The following CNOT11 variants were observed in gnomAD, a reference collection of about 807,000 sequenced individuals.
The protein encoded by CNOT11 is CCR4-NOT transcription complex subunit 11.
CNOT11 carries 18 observed loss-of-function variants against 44.6 expected under a neutral mutation model. That is an observed-to-expected ratio of 0.40 (90% CI 0.28 to 0.60). The LOEUF is 0.60. Among genes scored for constraint, CNOT11 ranks in the 20% least tolerant of loss-of-function variants. The pLI is 0.38. For synonymous variants in CNOT11, 291 were observed against 270.9 expected (o/e 1.07, Z -0.73); for missense variants, 513 against 677.0 (o/e 0.76, Z 2.69).
chr2:101,257,486 A>C (rs531957380), intron 1 of CNOT11, among the ~76,000 whole-genome samples: 11 of 151,748 alleles, frequency 7.2e-5, no homozygotes, highest in African/African-American at 2.7e-4. Context: ...CCGATGTTTT[A>C]ACTAAAGAAA....
intron 5 of CNOT11, among the ~76,000 whole-genome samples, chr2:101,267,213 G>A (rs1682007515): frequency 6.6e-6 from 1 of 151,948 alleles, no homozygotes; most frequent in South Asian, 2.1e-4. Context: ...ACCTCCACCC[G>A]CTGGGTTCAA....
Position 101,252,949 on chromosome 2 carries a change from A to G in CNOT11, c.-16A>G. ...GGGCCCCTCGGGCCGGGAAGAGGGG[A>G]AGGGGAGCGAGGTTGATGCCCGGCG... On this transcript the variant is annotated 5_prime_UTR_variant, in exon 1 of 7. Coordinates refer to ENST00000289382, the MANE Select transcript of CNOT11 (RefSeq NM_017546.5). 1 of 1,446,050 alleles carries G rather than the reference A, an allele frequency of 6.9e-7. No individual in the cohort carries two copies. Among genetic ancestry groups the G allele is most frequent in the Non-Finnish European group, 9.0e-7 (1 of 1,108,912 alleles). The allele number at this position is 1,446,050 out of a possible 1,614,324, so 89.6% of individuals were successfully genotyped here. A position where few individuals can be genotyped will look rare whatever the true frequency, so the allele number is the denominator to read the frequency against.
chr2:101,265,970 G>A (rs1034095679), intron 4 of CNOT11, among the ~76,000 whole-genome samples: 12 of 152,130 alleles, frequency 7.9e-5, no homozygotes, highest in African/African-American at 2.4e-5. Context: ...TTTTCAAAAC[G>A]AAATAATAGC....
rs190223210 is a variant in CNOT11 at position 101,261,886 on chromosome 2, G to C, written c.680-653G>C. Among the ~76,000 whole-genome samples the C allele has an allele frequency of 9.8e-3, 1,194 of 121,996 alleles. 18 individuals carry two copies. Among genetic ancestry groups the C allele is most frequent in the African/African-American group, 0.033 (1,086 of 32,686 alleles). 80.0% of individuals were successfully genotyped at this position (121,996 alleles called of 152,430 possible). A position where few individuals can be genotyped will look rare whatever the true frequency, so the allele number is the denominator to read the frequency against. Reference sequence around the variant, plus strand: ...TTTTGAGATGGAGTCTCGCTCTGTCGCCCAGGCTGGAGTGCAGTGGCGCGA... The same window carrying C: ...TTTTGAGATGGAGTCTCGCTCTGTCCCCCAGGCTGGAGTGCAGTGGCGCGA... On this transcript the variant is annotated intron_variant, in intron 2 of 6. Coordinates refer to ENST00000289382, the MANE Select transcript of CNOT11 (RefSeq NM_017546.5).
rs1238724672 is a variant in CNOT11, at chr2:101,269,520, G to GTACT, written c.*109_*112dup. The GTACT allele has an allele frequency of 1.2e-5, 11 of 900,894 alleles. No homozygotes were observed. Among genetic ancestry groups the GTACT allele is most frequent in the African/African-American group, 1.7e-5 (1 of 59,316 alleles). 55.8% of individuals were successfully genotyped at this position (900,894 alleles called of 1,614,324 possible). A position where few individuals can be genotyped will look rare whatever the true frequency, so the allele number is the denominator to read the frequency against. On this transcript the variant is annotated 3_prime_UTR_variant, in exon 7 of 7. Transcript: ENST00000289382. The surrounding 1 kb of genome is among the most constrained non-coding windows in gnomAD (Gnocchi z 4.8). ...TTGCTTGGTTTAATGCATATAAACAGTACTTTATCTACTTAAAGCAAAGTT... is the reference window on the plus strand; with the variant it reads ...TTGCTTGGTTTAATGCATATAAACAGTACTTACTTTATCTACTTAAAGCAAAGTT...
At chr2:101,256,740 G>A (rs1284942142) in intron 1 of CNOT11, among the ~76,000 whole-genome samples, 2 of 152,190 alleles carry the variant, frequency 1.3e-5, no homozygotes, top group Non-Finnish European at 2.9e-5. Context: ...TGCAGGAATT[G>A]AGGCACTTTA....
Position 101,257,890 on chromosome 2 carries a change from C to T in CNOT11, c.614C>T (p.Ala205Val). ...TTCAAAAAGACGCCTCGCCAGATTG[C>T]ACTGATGGACGTTGGAAACATGGGC... ...ELFKKTPRQI[A>V]LMDVGNMGQS... Residue 205 changes from alanine (A) to valine (V), a missense_variant, in exon 2 of 7, where the codon GCA becomes GTA. Coordinates refer to ENST00000289382, the MANE Select transcript of CNOT11 (RefSeq NM_017546.5). 6.2e-7 allele frequency: 1 copy of T among 1,614,138 alleles called. No individual in the cohort carries two copies. Among genetic ancestry groups the T allele is most frequent in the Non-Finnish European group, 8.5e-7 (1 of 1,180,018 alleles).
At chr2:101,262,991 G>A (rs1681902420) in intron 3 of CNOT11, among the ~76,000 whole-genome samples, 1 of 152,182 alleles carries the variant, frequency 6.6e-6, no homozygotes, top group Admixed American at 6.5e-5. Context: ...GGAGGCCGAG[G>A]CAGGTGGATA....
chr2:101,269,041 C>T lies in CNOT11; in HGVS notation c.1240C>T (p.Leu414=), dbSNP rs1682053373. 8 of 1,589,838 alleles carry T rather than the reference C, an allele frequency of 5.0e-6. No individual in the cohort carries two copies. The highest frequency in any genetic ancestry group is 2.2e-5 in the East Asian group (1 of 44,738). The change falls in exon 6 of 7, where the codon CTA becomes TTA. Residue 414 remains leucine, a splice_region_variant and synonymous_variant. Coordinates refer to ENST00000289382, the MANE Select transcript of CNOT11 (RefSeq NM_017546.5). This position sits in a 1 kb window ranked among gnomAD's most constrained non-coding sequence, Gnocchi z 4.8. ...GCCAAATTTTCTTTTACGAAACAGA[C>T]TAACTACAGCTGTTGATCTACCTCC... ...SLHSMEVVNR[L]TTAVDLPPEF...
In CNOT11 at chr2:101,265,024, T is replaced by G. The variant is rs140434333; in HGVS notation, c.1012T>G (p.Leu338Val). Reference sequence around the variant, plus strand: ...AATGGCCAAAGCCTTCAAAAGCCCCTTATCCTCTCCCCAACAAACACAGGT... The same window carrying G: ...AATGGCCAAAGCCTTCAAAAGCCCCGTATCCTCTCCCCAACAAACACAGGT... ...RIMAKAFKSP[L>V]SSPQQTQLLG... The change falls in exon 4 of 7, where the codon TTA becomes GTA. Residue 338 changes from leucine to valine, a missense_variant. Physicochemically the swap from Leu to Val is conservative, Grantham distance 32. Around this residue, in one of 4 missense-constraint regions of CNOT11, gnomAD observed 140 missense variants for 169.8 expected, o/e 0.82. Transcript: ENST00000289382. The G allele has an allele frequency of 9.9e-6, 16 of 1,613,192 alleles. No homozygotes were observed. Among genetic ancestry groups the G allele is most frequent in the Non-Finnish European group, 1.1e-5 (13 of 1,179,260 alleles).
intron 2 of CNOT11, among the ~76,000 whole-genome samples, chr2:101,260,041 CCT>C (rs1251517248): frequency 3.3e-5 from 5 of 152,088 alleles, no homozygotes; most frequent in Non-Finnish European, 5.9e-5. Flanking sequence ...AGAGTGAGAC[CCT>C]GTTACAAAAG....
chr2:101,261,249 AT>A (rs1681855074), intron 2 of CNOT11, among the ~76,000 whole-genome samples: 1 of 152,036 alleles, frequency 6.6e-6, no homozygotes, highest in South Asian at 2.1e-4. Context: ...ATCATCCTCA[AT>A]TTGCTTCCCT....
intron 1 of CNOT11, among the ~76,000 whole-genome samples, chr2:101,255,536 C>T (rs923058194): frequency 8.6e-5 from 13 of 151,680 alleles, no homozygotes; most frequent in Admixed American, 3.3e-4. Context: ...CACTATTATA[C>T]CATTATTAAA....
At chr2:101,267,024 A>AT (rs1488876426) in intron 5 of CNOT11, 145 bp downstream of exon 5, 14 of 612,988 alleles carry the variant, frequency 2.3e-5, no homozygotes, top group Non-Finnish European at 2.6e-5. Flanking sequence ...CATTCACTAC[A>AT]TGTAAATTTA....
chr2:101,262,812 G>A (rs1681898882), intron 3 of CNOT11, 121 bp downstream of exon 3: 1 of 763,222 alleles, frequency 1.3e-6, no homozygotes, highest in Non-Finnish European at 2.1e-6. Flanking sequence ...AATTTAGTGT[G>A]AATCTTTCTA....
chr2:101,255,494 C>G (rs1032481342), intron 1 of CNOT11, among the ~76,000 whole-genome samples: 1 of 132,224 alleles, frequency 7.6e-6, no homozygotes, highest in African/African-American at 2.9e-5. Flanking sequence ...GACTCCGTCT[C>G]AAAAAAAAAA....
chr2:101,269,268 A>G lies in CNOT11; in HGVS notation c.1388A>G (p.Lys463Arg). ...TTTCTCCAATCCTTGATCCGTAACA[A>G]AATTATTAATGTACAGGATTTGTTT... ...CVFLQSLIRNKIINVQDLFIE... is the reference protein window; with the variant it reads ...CVFLQSLIRNRIINVQDLFIE... The change falls in exon 7 of 7, where the codon AAA (lysine) becomes AGA (arginine). Residue 463 changes from lysine (K) to arginine (R), a missense_variant. By Grantham distance (26) the Lys-to-Arg change is conservative. Around this residue, in one of 4 missense-constraint regions of CNOT11, gnomAD observed 87 missense variants for 185.4 expected, o/e 0.47. Coordinates refer to ENST00000289382, the MANE Select transcript of CNOT11 (RefSeq NM_017546.5). The surrounding 1 kb of genome is among the most constrained non-coding windows in gnomAD (Gnocchi z 4.8). 6.2e-7 allele frequency: 1 copy of G among 1,614,066 alleles called. No homozygotes were observed. The highest frequency in any genetic ancestry group is 8.5e-7 in the Non-Finnish European group (1 of 1,179,996).
chr2:101,254,559 G>A (rs1302724943), intron 1 of CNOT11, among the ~76,000 whole-genome samples: 2 of 152,130 alleles, frequency 1.3e-5, no homozygotes, highest in Non-Finnish European at 2.9e-5. Context: ...TGCCCAGAAA[G>A]TGAATGTAAC....
intron 2 of CNOT11, 108 bp downstream of exon 2, chr2:101,258,063 C>T (rs1681772932): frequency 8.7e-7 from 1 of 1,146,758 alleles, no homozygotes; most frequent in East Asian, 2.5e-5. Context: ...AGGTTAGTAT[C>T]ATCCATTTTA....
Sources: gnomAD v4.1 joint callset for allele counts (sites outside exome capture counted in the v4.1 genomes callset) on GRCh38, gnomAD v4.1.1 for gene constraint, gnomAD v4.1.1 regional missense constraint, Gnocchi (gnomAD v3.1) non-coding constraint, MANE v1.5 for transcripts, NCBI Gene and HGNC (gene_info 2026-07-23, HGNC 2026-07-21) for gene names.